TMTC1: variants seen among roughly 807,000 people sequenced by gnomAD.
TMTC1 encodes the protein protein O-mannosyl-transferase TMTC1.
Under a neutral mutation model 104.8 loss-of-function variants are expected in TMTC1, and 73 were observed. The observed-to-expected ratio is 0.70, with a 90% CI of 0.58 to 0.85. The LOEUF (loss-of-function observed/expected upper bound fraction) is 0.85, where lower values mean the gene tolerates loss of function less well. Among genes scored for constraint, TMTC1 ranks in the 40% least tolerant of loss-of-function variants. TMTC1 has a pLI of 0.00. For synonymous variants in TMTC1, 434 were observed against 428.7 expected (o/e 1.01, Z -0.15); for missense variants, 1,035 against 1,096.1 (o/e 0.94, Z 0.79).
intron 1 of TMTC1, among the ~76,000 whole-genome samples, chr12:29,769,482 T>A (rs1014266114): frequency 1.3e-5 from 2 of 152,118 alleles, no homozygotes; most frequent in Non-Finnish European, 2.9e-5. Flanking sequence ...AACTCATAGG[T>A]CCAACAAAGC....
At chr12:29,712,149 A>G (rs1348103434) in intron 5 of TMTC1, among the ~76,000 whole-genome samples, 1 of 152,182 alleles carries the variant, frequency 6.6e-6, no homozygotes, top group African/African-American at 2.4e-5. Context: ...TGTGGAAGAA[A>G]GTTCCCCAAA....
At chr12:29,679,727 A>G (rs955783454) in intron 5 of TMTC1, among the ~76,000 whole-genome samples, 2 of 152,134 alleles carry the variant, frequency 1.3e-5, no homozygotes, top group African/African-American at 4.8e-5. Flanking sequence ...AGAGGAAAAG[A>G]AGGAGAAAAA....
intron 5 of TMTC1, among the ~76,000 whole-genome samples, chr12:29,710,525 T>A (rs906989560): frequency 2.1e-5 from 3 of 145,936 alleles, no homozygotes; most frequent in Non-Finnish European, 3.0e-5. Context: ...TATATATATA[T>A]AAAATATATA....
At chr12:29,627,939 C>T (rs1430938120) in intron 6 of TMTC1, among the ~76,000 whole-genome samples, 5 of 152,160 alleles carry the variant, frequency 3.3e-5, no homozygotes, top group Admixed American at 6.5e-5. Flanking sequence ...ACCAAAAAGA[C>T]GCAGCTTCCT....
At chr12:29,572,907 G>T (rs1419389263) in intron 8 of TMTC1, among the ~76,000 whole-genome samples, 1 of 152,200 alleles carries the variant, frequency 6.6e-6, no homozygotes, top group Non-Finnish European at 1.5e-5. Flanking sequence ...TTCATAAAAT[G>T]AGAATAGCTC....
chr12:29,626,146 TA>T (rs1469107130), intron 6 of TMTC1, among the ~76,000 whole-genome samples: 1 of 152,182 alleles, frequency 6.6e-6, no homozygotes, highest in Non-Finnish European at 1.5e-5. Flanking sequence ...ATTTAGGTAA[TA>T]AATATTGAGT....
intron 5 of TMTC1, among the ~76,000 whole-genome samples, chr12:29,656,944 A>T (rs532261627): frequency 6.6e-6 from 1 of 152,224 alleles, no homozygotes; most frequent in Admixed American, 6.5e-5. Context: ...TGTGAGTCAG[A>T]TATCAGCGAC....
Position 29,624,500 on chromosome 12 carries a change from C to T in TMTC1, c.1128+8647G>A, listed in dbSNP as rs556615133. Among the ~76,000 whole-genome samples, 29 of 152,314 alleles carry T rather than the reference C, an allele frequency of 1.9e-4. No homozygotes were observed. The South Asian group carries it at 5.4e-3, about 28-fold the overall frequency. ...CTCCTTAATCACACTGATGTCAACT[C>T]ATATGGCTGTACCCAGCCCACTTGG... On this transcript the variant is annotated intron_variant, in intron 6 of 17. Transcript: ENST00000539277.
chr12:29,695,449 G>A lies in TMTC1; in HGVS notation c.938+56217C>T, dbSNP rs57529902. Among the ~76,000 whole-genome samples the A allele has an allele frequency of 5.0e-3, 763 of 152,076 alleles. 5 individuals carry two copies. The highest frequency in any genetic ancestry group is 0.018 in the African/African-American group (735 of 41,522). ...AGACTCCTGAGTAGCGGGGATTACA[G>A]ACACACGCCACCACATCCAGTTAAT... On this transcript the variant is annotated intron_variant, in intron 5 of 17. Transcript: ENST00000539277.
At chr12:29,754,369 C>T (rs781530371) in intron 4 of TMTC1, among the ~76,000 whole-genome samples, 35 of 152,204 alleles carry the variant, frequency 2.3e-4, no homozygotes, top group South Asian at 2.1e-3. Context: ...CACCAGTGGG[C>T]TGGAGAGTCC....
chr12:29,507,204 G>A (rs1943716904), intron 17 of TMTC1, among the ~76,000 whole-genome samples: 1 of 152,166 alleles, frequency 6.6e-6, no homozygotes, highest in South Asian at 2.1e-4. Context: ...AAAGAGGAGA[G>A]TTATACTGTA....
intron 5 of TMTC1, among the ~76,000 whole-genome samples, chr12:29,663,696 T>TTTTTTTTTTTTTTTTTTTG (rs1555184030): frequency 2.8e-4 from 41 of 148,556 alleles, no homozygotes; most frequent in Non-Finnish European, 3.9e-4. Flanking sequence ...TTTGTACTTT[T>TTTTTTTTTTTTTTTTTTTG]AGTAGAGACA....
chr12:29,655,962 C>A (rs562319790), intron 5 of TMTC1, among the ~76,000 whole-genome samples: 1 of 152,016 alleles, frequency 6.6e-6, no homozygotes, highest in African/African-American at 2.4e-5. Flanking sequence ...CTGAAAGATG[C>A]GCAAAGTTCC....
Position 29,647,314 on chromosome 12 carries a change from C to T in TMTC1, c.939-13978G>A, listed in dbSNP as rs532464661. ...GGATTACAGGCATGAGCCACTATGCCCTGCCCCAAAAAACATGTTTTAAGA... is the reference window on the plus strand; with the variant it reads ...GGATTACAGGCATGAGCCACTATGCTCTGCCCCAAAAAACATGTTTTAAGA... On this transcript the variant is annotated intron_variant, in intron 5 of 17. Coordinates refer to ENST00000539277, the MANE Select transcript of TMTC1 (RefSeq NM_001193451.2). Among the ~76,000 whole-genome samples the T allele has an allele frequency of 3.8e-4, 58 of 152,266 alleles. 1 individual carries two copies. Among genetic ancestry groups the T allele is most frequent in the African/African-American group, 1.4e-3 (58 of 41,552 alleles).
At chr12:29,659,212 T>C (rs575268329) in intron 5 of TMTC1, among the ~76,000 whole-genome samples, 80 of 152,338 alleles carry the variant, frequency 5.3e-4, no homozygotes, top group African/African-American at 1.9e-3. Flanking sequence ...CAATAGATAG[T>C]TATTATTGAC....
intron 10 of TMTC1, among the ~76,000 whole-genome samples, chr12:29,548,919 AT>A (rs1945020188): frequency 6.9e-6 from 1 of 144,028 alleles, no homozygotes; most frequent in South Asian, 2.1e-4. Context: ...ATTTATTTAC[AT>A]ATTATATAAT....
intron 5 of TMTC1, among the ~76,000 whole-genome samples, chr12:29,714,910 A>G (rs1942035283): frequency 6.6e-6 from 1 of 152,218 alleles, no homozygotes. Flanking sequence ...CACTCTCAGA[A>G]GGAGTACAGT....
At chr12:29,618,650 C>T (rs1947052604) in intron 6 of TMTC1, among the ~76,000 whole-genome samples, 1 of 151,944 alleles carries the variant, frequency 6.6e-6, no homozygotes, top group South Asian at 2.1e-4. Flanking sequence ...GCACTTACAG[C>T]TAATCACCTA....
chr12:29,565,480 T>C (rs1446255380), intron 9 of TMTC1, among the ~76,000 whole-genome samples: 2 of 152,220 alleles, frequency 1.3e-5, no homozygotes, highest in African/African-American at 4.8e-5. Flanking sequence ...TCTTCTGCTA[T>C]TGACGACATT....
Sources: gnomAD v4.1 joint callset for allele counts (sites outside exome capture counted in the v4.1 genomes callset) on GRCh38, gnomAD v4.1.1 for gene constraint, MANE v1.5 for transcripts, NCBI Gene and HGNC (gene_info 2026-07-23, HGNC 2026-07-21) for gene names.